MAGI2: variants seen among roughly 807,000 people sequenced by gnomAD.
MAGI2 encodes the protein membrane associated guanylate kinase, WW and PDZ domain containing 2.
In MAGI2, 35 loss-of-function variants were observed where a neutral mutation model predicts 133.3. The ratio of observed to expected loss-of-function variants is 0.26; its 90% CI spans 0.20 to 0.35. The LOEUF (loss-of-function observed/expected upper bound fraction) is 0.35. Ranked by LOEUF, MAGI2 falls within the 10% of genes least tolerant of loss-of-function variation. The pLI is 1.00. For missense variants in MAGI2, 1,636 were observed against 1,863.4 expected (o/e 0.88, Z 2.25); for synonymous variants, 729 against 710.6 (o/e 1.03, Z -0.41).
chr7:78,530,553 A>G (rs144802126), intron 3 of MAGI2, among the ~76,000 whole-genome samples: 2 of 152,114 alleles, frequency 1.3e-5, no homozygotes, highest in Non-Finnish European at 2.9e-5. Flanking sequence ...AGACAGAGGG[A>G]TTGTTGACTC....
intron 1 of MAGI2, among the ~76,000 whole-genome samples, chr7:79,264,603 T>C (rs1585369684): frequency 6.6e-6 from 1 of 152,194 alleles, no homozygotes; most frequent in East Asian, 1.9e-4. Context: ...TTTATTTATA[T>C]GAAAAAATAT....
At chr7:78,339,805 A>T (rs1473190197) in intron 9 of MAGI2, among the ~76,000 whole-genome samples, 1 of 152,304 alleles carries the variant, frequency 6.6e-6, no homozygotes, top group African/African-American at 2.4e-5. Context: ...TGTACACATG[A>T]CTTTTATAAC....
intron 2 of MAGI2, among the ~76,000 whole-genome samples, chr7:78,816,601 C>T (rs1202883115): frequency 1.3e-5 from 2 of 152,066 alleles, no homozygotes. Flanking sequence ...AATCCTAGGA[C>T]CCTTAAAAAT....
chr7:78,882,109 G>GAAAAAAAAAAAAAA (rs1795915418), intron 2 of MAGI2, among the ~76,000 whole-genome samples: 1 of 50,846 alleles, frequency 2.0e-5, no homozygotes, highest in African/African-American at 7.5e-5. Context: ...AAAAAAAAAA[G>GAAAAAAAAAAAAAA]AAAAGAAAAA....
At chr7:78,578,390 C>T (rs956200185) in intron 3 of MAGI2, among the ~76,000 whole-genome samples, 3 of 151,802 alleles carry the variant, frequency 2.0e-5, no homozygotes, top group Admixed American at 2.0e-4. Flanking sequence ...GTAAACCCAT[C>T]AGTATGTTAA....
intron 4 of MAGI2, among the ~76,000 whole-genome samples, chr7:78,514,512 A>G (rs922265298): frequency 4.6e-5 from 7 of 152,212 alleles, no homozygotes; most frequent in African/African-American, 1.7e-4. Context: ...ATGGAGAGAT[A>G]AAACCCAGTA....
At chr7:78,486,815 A>C (rs1303706149) in intron 6 of MAGI2, 2 of 449,162 alleles carry the variant, frequency 4.5e-6, no homozygotes, top group African/African-American at 4.0e-5. Flanking sequence ...ACTGCCCTAG[A>C]AATTGCTGTC....
chr7:78,297,564 G>C (rs1322226443), intron 9 of MAGI2, among the ~76,000 whole-genome samples: 15 of 149,132 alleles, frequency 1.0e-4, no homozygotes, highest in Non-Finnish European at 2.1e-4. Context: ...CAATAGCAAA[G>C]ACTTGGAACC....
intron 1 of MAGI2, among the ~76,000 whole-genome samples, chr7:79,387,839 A>C (rs748747934): frequency 2.8e-4 from 42 of 152,006 alleles, no homozygotes; most frequent in Middle Eastern, 3.5e-3. Flanking sequence ...AATTTTAATA[A>C]ATTTTTCAAA....
In MAGI2 at chr7:78,589,209, A is replaced by G. The variant is rs115721687; in HGVS notation, c.538+37911T>C. Among the ~76,000 whole-genome samples, 666 of 152,330 alleles carry G rather than the reference A, an allele frequency of 4.4e-3. 6 individuals carry two copies. Among genetic ancestry groups the G allele is most frequent in the African/African-American group, 0.016 (651 of 41,582 alleles). On this transcript the variant is annotated intron_variant, in intron 3 of 21. Coordinates refer to ENST00000354212, the MANE Select transcript of MAGI2 (RefSeq NM_012301.4). ...ACGTTTCATCATCATCATCATCACCATCACCACCATCATGTTTCACACTTA... is the reference window on the plus strand; with the variant it reads ...ACGTTTCATCATCATCATCATCACCGTCACCACCATCATGTTTCACACTTA...
chr7:78,642,432 T>C (rs1478676187), intron 2 of MAGI2, among the ~76,000 whole-genome samples: 1 of 152,176 alleles, frequency 6.6e-6, no homozygotes, highest in African/African-American at 2.4e-5. Flanking sequence ...TGCAGCAAAA[T>C]TTTGAAAATT....
chr7:78,904,283 C>A (rs1797835333), intron 2 of MAGI2: 1 of 151,812 alleles, frequency 6.6e-6, no homozygotes, highest in South Asian at 2.1e-4. Context: ...AGAAAATTTC[C>A]AAAAATATGG....
chr7:79,173,215 G>A (rs1186728969), intron 1 of MAGI2, among the ~76,000 whole-genome samples: 1 of 151,878 alleles, frequency 6.6e-6, no homozygotes, highest in Non-Finnish European at 1.5e-5. Context: ...TAAATATGAG[G>A]TCTTTCTTAA....
intron 2 of MAGI2, among the ~76,000 whole-genome samples, chr7:78,646,947 A>C (rs550593115): frequency 1.3e-5 from 2 of 152,292 alleles, no homozygotes; most frequent in South Asian, 4.1e-4. Context: ...ATTAGACACA[A>C]TTGAGATACA....
At chr7:79,122,824 T>C (rs552282320) in intron 1 of MAGI2, among the ~76,000 whole-genome samples, 1 of 152,230 alleles carries the variant, frequency 6.6e-6, no homozygotes, top group South Asian at 2.1e-4. Flanking sequence ...CTCAAGTAGC[T>C]GGGATTATAG....
chr7:79,062,468 C>T (rs1459888780), intron 1 of MAGI2, among the ~76,000 whole-genome samples: 1 of 152,074 alleles, frequency 6.6e-6, no homozygotes, highest in Non-Finnish European at 1.5e-5. Flanking sequence ...TCCCTGTCAT[C>T]CTTGTTTTCT....
At chr7:79,334,630 T>C (rs914386221) in intron 1 of MAGI2, among the ~76,000 whole-genome samples, 1 of 152,186 alleles carries the variant, frequency 6.6e-6, no homozygotes, top group Non-Finnish European at 1.5e-5. Context: ...AATTATGGTA[T>C]ACTTTTAGAA....
intron 7 of MAGI2, chr7:78,359,514 C>A (rs1205198913): frequency 2.6e-5 from 4 of 152,216 alleles, no homozygotes. Context: ...TAGAAATGCC[C>A]TTTTAATGTT....
chr7:79,314,706 C>T lies in MAGI2; in HGVS notation c.301+138314G>A, dbSNP rs192759795. 1.9e-3 allele frequency among the ~76,000 whole-genome samples: 291 copies of T among 152,230 alleles called. 1 individual carries two copies. The highest frequency in any genetic ancestry group is 6.4e-3 in the African/African-American group (265 of 41,548). ...AAGTCAACCAACATGGCTCATTTTC[C>T]TGAGTATAGTGAGAGGTTTAGAGAT... On this transcript the variant is annotated intron_variant, in intron 1 of 21. Transcript: ENST00000354212.
Sources: gnomAD v4.1 joint callset for allele counts (sites outside exome capture counted in the v4.1 genomes callset) on GRCh38, gnomAD v4.1.1 for gene constraint, MANE v1.5 for transcripts, NCBI Gene and HGNC (gene_info 2026-07-23, HGNC 2026-07-21) for gene names.